The following RBFOX1 variants were observed in gnomAD, a reference collection of about 807,000 sequenced individuals.
The protein encoded by RBFOX1 is RNA binding protein fox-1 homolog 1.
In RBFOX1, 8 loss-of-function variants were observed where a neutral mutation model predicts 57.7. The observed-to-expected ratio is 0.14, with a 90% CI of 0.08 to 0.25. RBFOX1 has a LOEUF of 0.25. Among genes scored for constraint, RBFOX1 ranks in the 10% least tolerant of loss-of-function variants. The pLI, the probability that RBFOX1 is intolerant of heterozygous loss-of-function variation, is 1.00. For synonymous variants in RBFOX1, 326 were observed against 222.4 expected, an observed-to-expected ratio of 1.47 and a Z score of -4.15; for missense variants, 611 against 548.5, an observed-to-expected ratio of 1.11 and a Z score of -1.14.
intron 3 of RBFOX1, among the ~76,000 whole-genome samples, chr16:5,646,133 T>A (rs908756148): frequency 3.3e-5 from 5 of 151,820 alleles, no homozygotes; most frequent in African/African-American, 1.2e-4. Context: ...GGGTTTACAC[T>A]ATTCTGCTGC....
chr16:6,966,825 A>G (rs1008487667), intron 3 of RBFOX1, among the ~76,000 whole-genome samples: 2,502 of 149,592 alleles, frequency 0.017, 89 homozygotes, highest in African/African-American at 0.06. Flanking sequence ...CTGTCTATCT[A>G]TCTGTCTATC....
intron 2 of RBFOX1, among the ~76,000 whole-genome samples, chr16:6,652,047 C>T (rs538555106): frequency 3.5e-4 from 53 of 152,236 alleles, no homozygotes; most frequent in African/African-American, 1.1e-3. Context: ...ATACTGAAGT[C>T]GTAACTTCCA....
chr16:7,613,238 A>G (rs920941976), intron 10 of RBFOX1, among the ~76,000 whole-genome samples: 8 of 152,198 alleles, frequency 5.3e-5, no homozygotes, highest in African/African-American at 1.9e-4. Flanking sequence ...CCTGAAAAGA[A>G]CAATTTGTGG....
chr16:6,772,490 T>C (rs941592602), intron 3 of RBFOX1, among the ~76,000 whole-genome samples: 1 of 150,136 alleles, frequency 6.7e-6, no homozygotes, highest in Non-Finnish European at 1.5e-5. Flanking sequence ...TGTGTGGGTA[T>C]GGGGTGCGTT....
chr16:5,884,853 A>G (rs2057857725), intron 4 of RBFOX1, among the ~76,000 whole-genome samples: 2 of 152,098 alleles, frequency 1.3e-5, no homozygotes, highest in Admixed American at 6.6e-5. Flanking sequence ...TCTGGAGGCA[A>G]AGTGTGGCAC....
intron 3 of RBFOX1, among the ~76,000 whole-genome samples, chr16:5,862,206 CT>C (rs1173904802): frequency 1.3e-5 from 2 of 152,220 alleles, no homozygotes; most frequent in Admixed American, 1.3e-4. Context: ...ATGTGAATGA[CT>C]AGCAACAGAA....
At chr16:5,618,401 G>T (rs1004535917) in intron 3 of RBFOX1, among the ~76,000 whole-genome samples, 7 of 151,960 alleles carry the variant, frequency 4.6e-5, no homozygotes, top group Non-Finnish European at 1.0e-4. Context: ...GCAGTGGTGC[G>T]ATCTCGGCTC....
chr16:6,535,913 C>G (rs1455588170), intron 2 of RBFOX1, among the ~76,000 whole-genome samples: 1 of 152,146 alleles, frequency 6.6e-6, no homozygotes, highest in East Asian at 1.9e-4. Flanking sequence ...CCTGCAGTCT[C>G]CCTCTAGAGA....
At chr16:6,699,593 C>G (rs1392050851) in intron 3 of RBFOX1, among the ~76,000 whole-genome samples, 1 of 152,144 alleles carries the variant, frequency 6.6e-6, no homozygotes, top group African/African-American at 2.4e-5. Context: ...GACAAATGGG[C>G]TCTTTAAACT....
intron 4 of RBFOX1, among the ~76,000 whole-genome samples, chr16:6,002,493 C>G (rs1217918493): frequency 6.6e-6 from 1 of 152,116 alleles, no homozygotes; most frequent in Non-Finnish European, 1.5e-5. Context: ...TTGTTTAAAA[C>G]AGGAAATCTT....
At chr16:6,843,562 A>G (rs879301683) in intron 3 of RBFOX1, among the ~76,000 whole-genome samples, 1 of 152,106 alleles carries the variant, frequency 6.6e-6, no homozygotes, top group East Asian at 1.9e-4. Context: ...GGTGGCGGGC[A>G]CCTGTAGTCC....
At chr16:5,654,461 G>A (rs2049356272) in intron 3 of RBFOX1, among the ~76,000 whole-genome samples, 1 of 152,160 alleles carries the variant, frequency 6.6e-6, no homozygotes, top group South Asian at 2.1e-4. Context: ...TGGAGGTTGG[G>A]AAGGAACGTT....
chr16:5,729,935 A>T (rs1373651909), intron 3 of RBFOX1, among the ~76,000 whole-genome samples: 2 of 152,188 alleles, frequency 1.3e-5, no homozygotes, highest in African/African-American at 4.8e-5. Flanking sequence ...CTTGCTGCAG[A>T]AAGCTAGTGG....
chr16:6,773,836 T>G, intron 3 of RBFOX1: 1 of 401,268 alleles, frequency 2.5e-6, no homozygotes, highest in African/African-American at 2.2e-5. Context: ...GGGCATGGGG[T>G]GCATTTGTGT....
At chr16:7,211,288 A>G (rs2091080054) in intron 4 of RBFOX1, among the ~76,000 whole-genome samples, 1 of 147,936 alleles carries the variant, frequency 6.8e-6, no homozygotes, top group Non-Finnish European at 1.5e-5. Context: ...GCTTCTCGGG[A>G]GGCTGAGGCA....
At chr16:7,546,403 C>T (rs986823642) in intron 5 of RBFOX1, among the ~76,000 whole-genome samples, 2 of 151,696 alleles carry the variant, frequency 1.3e-5, no homozygotes, top group Non-Finnish European at 2.9e-5. Flanking sequence ...GGTTACTTAC[C>T]TTGTGTCAGC....
intron 4 of RBFOX1, among the ~76,000 whole-genome samples, chr16:7,116,331 G>C (rs35242358): frequency 0.037 from 5,647 of 152,184 alleles, 121 homozygotes; most frequent in Middle Eastern, 0.061. Context: ...GTCCTCATGA[G>C]CAGTTCATGA....
chr16:6,402,967 C>G (rs1304187427), intron 2 of RBFOX1, among the ~76,000 whole-genome samples: 1 of 152,090 alleles, frequency 6.6e-6, no homozygotes, highest in Non-Finnish European at 1.5e-5. Flanking sequence ...CATTTTAAAA[C>G]CTTCAACCCT....
chr16:5,461,068 A>AG, intron 1 of RBFOX1, among the ~76,000 whole-genome samples: 1 of 152,038 alleles, frequency 6.6e-6, no homozygotes, highest in Non-Finnish European at 1.5e-5. Flanking sequence ...GTCATTTCCA[A>AG]GGGGCTCCTG....
Sources: gnomAD v4.1 joint callset for allele counts (sites outside exome capture counted in the v4.1 genomes callset) on GRCh38, gnomAD v4.1.1 for gene constraint, MANE v1.5 for transcripts, NCBI Gene and HGNC (gene_info 2026-07-23, HGNC 2026-07-21) for gene names.